The following ZEB1 variants were observed in gnomAD, a reference collection of about 807,000 sequenced individuals.
ZEB1 encodes zinc finger E-box binding homeobox 1, also known as zinc finger E-box-binding homeobox 1.
A neutral mutation model predicts 84.9 loss-of-function variants in ZEB1; 21 were observed. The observed-to-expected ratio is 0.25, with a 90% CI of 0.18 to 0.36. ZEB1 has a LOEUF of 0.36. ZEB1 is among the 10% of genes least tolerant of loss of function. The pLI is 1.00. For missense variants in ZEB1, 1,104 were observed against 1,330.2 expected (o/e 0.83, Z 2.65); for synonymous variants, 420 against 471.1 (o/e 0.89, Z 1.41).
At chr10:31,400,439 A>G (rs2051748771) in intron 1 of ZEB1, among the ~76,000 whole-genome samples, 1 of 152,128 alleles carries the variant, frequency 6.6e-6, no homozygotes, top group African/African-American at 2.4e-5. Flanking sequence ...TGGTATCATT[A>G]TATATGTAGA....
chr10:31,383,021 T>C (rs2047965712), intron 1 of ZEB1, among the ~76,000 whole-genome samples: 1 of 152,006 alleles, frequency 6.6e-6, no homozygotes, highest in East Asian at 1.9e-4. Context: ...CAGTAATACA[T>C]GCTGAGAGTC....
rs540523966 is a variant in ZEB1 at position 31,502,677 on chromosome 10, C to G, written c.484+168C>G. The stretch of plus-strand genomic sequence containing the variant: ...TTTATTAATGGAACACTATGATGAC[C>G]ATGCAGTAATAAATTATTAGCTGCT... On this transcript the variant is annotated intron_variant, in intron 4 of 8. Coordinates refer to ENST00000424869, the MANE Select transcript of ZEB1 (RefSeq NM_001174096.2). Among the ~76,000 whole-genome samples the G allele has an allele frequency of 7.9e-5, 12 of 152,258 alleles. No individual in the cohort carries two copies. In the South Asian group the frequency reaches 2.5e-3, roughly 32 times the overall value.
chr10:31,363,590 C>A, intron 1 of ZEB1: 1 of 1,521,606 alleles, frequency 6.6e-7, no homozygotes, highest in Admixed American at 2.0e-5. Flanking sequence ...TTGGGCTCTT[C>A]TGCGCTCACC....
intron 1 of ZEB1, among the ~76,000 whole-genome samples, chr10:31,445,906 G>C (rs1471134631): frequency 8.0e-6 from 1 of 124,584 alleles, no homozygotes; most frequent in Non-Finnish European, 1.7e-5. Context: ...GCCAGGCTTT[G>C]GTATCAGAAT....
At chr10:31,428,149 T>A (rs1256576009) in intron 1 of ZEB1, among the ~76,000 whole-genome samples, 1 of 152,190 alleles carries the variant, frequency 6.6e-6, no homozygotes, top group Non-Finnish European at 1.5e-5. Context: ...GTTATTTTAG[T>A]TGTGATGTCA....
chr10:31,438,886 G>A (rs527307265), intron 1 of ZEB1, among the ~76,000 whole-genome samples: 2 of 152,014 alleles, frequency 1.3e-5, no homozygotes, highest in Admixed American at 1.3e-4. Context: ...ATATACATAC[G>A]TACATACATG....
intron 1 of ZEB1, among the ~76,000 whole-genome samples, chr10:31,336,956 G>C (rs971855802): frequency 6.6e-6 from 1 of 152,120 alleles, no homozygotes; most frequent in Non-Finnish European, 1.5e-5. Context: ...CTATGACCCA[G>C]TATTCCTATG....
chr10:31,417,186 A>G (rs2055359319), intron 1 of ZEB1, among the ~76,000 whole-genome samples: 2 of 152,118 alleles, frequency 1.3e-5, no homozygotes, highest in African/African-American at 2.4e-5. Context: ...TCAGCCTAAA[A>G]ATTTAGAGTT....
chr10:31,397,906 T>C (rs1196056640), intron 1 of ZEB1, among the ~76,000 whole-genome samples: 1 of 152,186 alleles, frequency 6.6e-6, no homozygotes, highest in East Asian at 1.9e-4. Context: ...TGCTTGTGGA[T>C]AGATATTATT....
At chr10:31,393,827 A>T (rs2050222785) in intron 1 of ZEB1, among the ~76,000 whole-genome samples, 1 of 152,192 alleles carries the variant, frequency 6.6e-6, no homozygotes, top group Non-Finnish European at 1.5e-5. Flanking sequence ...GTGTATAAAC[A>T]ATTTAATGTT....
At chr10:31,324,741 C>T (rs2035075030) in intron 1 of ZEB1, among the ~76,000 whole-genome samples, 1 of 151,898 alleles carries the variant, frequency 6.6e-6, no homozygotes, top group African/African-American at 2.4e-5. Flanking sequence ...AAATTTTAAA[C>T]TAGAAAAAGT....
At position 31,363,165 on chromosome 10, in the gene ZEB1, C is replaced by G. The variant is rs773656268; in HGVS notation, c.58+43873C>G. On this transcript the variant is annotated intron_variant, in intron 1 of 8. Coordinates refer to ENST00000424869, the MANE Select transcript of ZEB1 (RefSeq NM_001174096.2). ...GATCCTTGGGCTGCATGTCCTCCCC[C>G]ACCATCAGCAAGCCTGGAGAGCTGG... is the stretch of plus-strand genomic sequence containing the variant. 18 of 1,533,958 alleles carry G rather than the reference C, an allele frequency of 1.2e-5. 1 individual carries two copies. In the South Asian group the frequency reaches 1.9e-4, roughly 16 times the overall value.
chr10:31,339,498 C>T lies in ZEB1; in HGVS notation c.58+20206C>T, dbSNP rs371354122. Among the ~76,000 whole-genome samples the T allele has an allele frequency of 7.4e-4, 112 of 152,110 alleles. No homozygotes were observed. In the South Asian group the frequency reaches 8.5e-3, roughly 12 times the overall value. ...TAAGAACCTATATAAGGCCAGGCGC[C>T]GTGGCTCACATCTGTAGTCCCAGCA... On this transcript the variant is annotated intron_variant, in intron 1 of 8. Coordinates refer to ENST00000424869, the MANE Select transcript of ZEB1 (RefSeq NM_001174096.2).
At position 31,497,489 on chromosome 10, in the gene ZEB1, C is replaced by T. The variant is rs1023001118; in HGVS notation, c.322+1651C>T. Reference sequence around the variant, plus strand: ...CAATGATGATCCCTGCTGCATTATTCGCCTGGAACATGGGGAGTTAGGAGT... The same window carrying T: ...CAATGATGATCCCTGCTGCATTATTTGCCTGGAACATGGGGAGTTAGGAGT... On this transcript the variant is annotated intron_variant, in intron 3 of 8. Transcript: ENST00000424869. Among the ~76,000 whole-genome samples the T allele has an allele frequency of 3.3e-5, 5 of 152,100 alleles. No homozygotes were observed. In the East Asian group the frequency reaches 5.8e-4, roughly 18 times the overall value.
rs140514677 is a variant in ZEB1 at position 31,321,357 on chromosome 10, A to G, written c.58+2065A>G. 2,068 of 1,497,074 alleles carry G rather than the reference A, an allele frequency of 1.4e-3. 22 individuals are homozygous for G. In the African/African-American group the frequency reaches 0.025, roughly 18 times the overall value. 92.7% of individuals were successfully genotyped at this position (1,497,074 alleles called of 1,614,324 possible). Reference sequence around the variant, plus strand: ...ATTCAAATAAACACTTGCATTTTAAAGACGTCTGTTGATTATAAACGAAAG... The same window carrying G: ...ATTCAAATAAACACTTGCATTTTAAGGACGTCTGTTGATTATAAACGAAAG... On this transcript the variant is annotated intron_variant, in intron 1 of 8. Coordinates refer to ENST00000424869, the MANE Select transcript of ZEB1 (RefSeq NM_001174096.2).
intron 1 of ZEB1, among the ~76,000 whole-genome samples, chr10:31,377,858 A>G (rs1268643541): frequency 6.6e-6 from 1 of 151,730 alleles, no homozygotes; most frequent in Non-Finnish European, 1.5e-5. Context: ...ATTTTAAATA[A>G]TGACAGCAGT....
chr10:31,434,509 T>G (rs565153905), intron 1 of ZEB1, among the ~76,000 whole-genome samples: 11 of 152,252 alleles, frequency 7.2e-5, no homozygotes, highest in Non-Finnish European at 1.0e-4. Context: ...AACCCTTTAT[T>G]GACACATTAT....
intron 2 of ZEB1, among the ~76,000 whole-genome samples, chr10:31,488,021 C>T (rs1037306991): frequency 6.6e-6 from 1 of 150,520 alleles, no homozygotes. Context: ...ATTTTTGTGT[C>T]GATGTTCATA....
rs1369708005 is a variant in ZEB1 at position 31,520,876 on chromosome 10, T to G, written c.1544T>G (p.Val515Gly). The change falls in exon 7 of 9, where the codon GTT (valine) becomes GGT (glycine). Residue 515 changes from valine (V) to glycine (G), a missense_variant. Around this residue, in one of 7 missense-constraint regions of ZEB1, gnomAD observed 531 missense variants for 575.2 expected, o/e 0.92. Coordinates refer to ENST00000424869, the MANE Select transcript of ZEB1 (RefSeq NM_001174096.2). The surrounding 1 kb of genome is among the most constrained non-coding windows in gnomAD (Gnocchi z 5.1). The stretch of plus-strand genomic sequence containing the variant: ...GAAAAGTTACCAGAAGATCTTACTG[T>G]TAAGTCTGAGAAGGACAAAAGCTTT... Reference protein sequence around the residue: ...KSEKLPEDLTVKSEKDKSFEG... With the variant: ...KSEKLPEDLTGKSEKDKSFEG... 1 of 1,613,954 alleles carries G rather than the reference T, an allele frequency of 6.2e-7. No individual in the cohort carries two copies. The highest frequency in any genetic ancestry group is 1.3e-5 in the African/African-American group (1 of 74,896).
Sources: allele counts gnomAD v4.1 joint callset (sites outside exome capture counted in the v4.1 genomes callset), GRCh38; gene constraint gnomAD v4.1.1; regional missense constraint gnomAD v4.1.1; non-coding constraint Gnocchi (gnomAD v3.1); transcripts MANE v1.5; gene names NCBI Gene and HGNC (gene_info 2026-07-23, HGNC 2026-07-21).